Variants in TSPAN18 observed in about 807,000 individuals in gnomAD.
TSPAN18 encodes the protein tetraspanin-18.
A neutral mutation model predicts 27.3 loss-of-function variants in TSPAN18; 14 were observed. The observed-to-expected ratio is 0.51, with a 90% CI of 0.34 to 0.80. TSPAN18 has a LOEUF of 0.80. Among genes scored for constraint, TSPAN18 ranks in the 30% least tolerant of loss-of-function variants. TSPAN18 has a pLI of 0.01. For missense variants in TSPAN18, 268 were observed against 323.9 expected, an observed-to-expected ratio of 0.83 and a Z score of 1.32; for synonymous variants, 143 against 136.5, an observed-to-expected ratio of 1.05 and a Z score of -0.33.
chr11:44,875,342 A>C (rs1307490442), intron 3 of TSPAN18, among the ~76,000 whole-genome samples: 1 of 152,224 alleles, frequency 6.6e-6, no homozygotes, highest in East Asian at 1.9e-4. Flanking sequence ...GGTTTGGATT[A>C]AGCTAGAGCA....
At position 44,908,831 on chromosome 11, in the gene TSPAN18, A is replaced by AAAGAAAGAAAGAAAG. The variant is rs1590671474; in HGVS notation, c.64-873_64-872insAGAAAGAAAGAAAGA. 1.5e-3 allele frequency among the ~76,000 whole-genome samples: 149 copies of AAAGAAAGAAAGAAAG among 96,226 alleles called. 28 individuals are homozygous for AAAGAAAGAAAGAAAG. The highest frequency in any genetic ancestry group is 4.1e-3 in the African/African-American group (98 of 23,798). The allele number at this position is 96,226 out of a possible 152,430, so 63.1% of individuals were successfully genotyped here. A position where few individuals can be genotyped will look rare whatever the true frequency, so the allele number is the denominator to read the frequency against. ...AGAAAGAAAGAAAGAAAGAAAGAAA[A>AAAGAAAGAAAGAAAG]AGAAAAATGGAGCAGATATTTATTG... On this transcript the variant is annotated intron_variant, in intron 4 of 9. Transcript: ENST00000520358.
intron 2 of TSPAN18, among the ~76,000 whole-genome samples, chr11:44,859,394 G>A (rs1228139732): frequency 3.3e-5 from 5 of 152,134 alleles, no homozygotes; most frequent in East Asian, 1.9e-4. Context: ...ACAGACTTAC[G>A]AAAGTCATTT....
chr11:44,861,232 GCTT>G (rs1219873038), intron 3 of TSPAN18, among the ~76,000 whole-genome samples: 1 of 152,044 alleles, frequency 6.6e-6, no homozygotes, highest in Middle Eastern at 3.2e-3. Flanking sequence ...TGGAAGGAGA[GCTT>G]CTTTTTCCCA....
At chr11:44,845,162 G>A (rs534897826) in intron 2 of TSPAN18, among the ~76,000 whole-genome samples, 1 of 152,298 alleles carries the variant, frequency 6.6e-6, no homozygotes, top group African/African-American at 2.4e-5. Flanking sequence ...CCCAGAGCAG[G>A]GGGACACAGT....
At chr11:44,815,142 A>G (rs1856794639) in intron 2 of TSPAN18, among the ~76,000 whole-genome samples, 1 of 152,202 alleles carries the variant, frequency 6.6e-6, no homozygotes, top group Non-Finnish European at 1.5e-5. Context: ...CTCAGCAGGC[A>G]GGCAGCTAGG....
At chr11:44,867,389 C>CTTTTTTTT (rs71038824) in intron 3 of TSPAN18, among the ~76,000 whole-genome samples, 4 of 60,410 alleles carry the variant, frequency 6.6e-5, no homozygotes, top group Non-Finnish European at 8.3e-5. Context: ...GTTTATGAAT[C>CTTTTTTTT]TTTTTTTTTT....
intron 3 of TSPAN18, among the ~76,000 whole-genome samples, chr11:44,874,989 A>G (rs1262592894): frequency 2.6e-5 from 4 of 152,212 alleles, no homozygotes; most frequent in Admixed American, 2.6e-4. Context: ...TCAGCATTAA[A>G]TTGGGGGCAG....
At chr11:44,856,358 G>A (rs1274117298) in intron 2 of TSPAN18, among the ~76,000 whole-genome samples, 1 of 152,086 alleles carries the variant, frequency 6.6e-6, no homozygotes, top group Admixed American at 6.6e-5. Flanking sequence ...GGCGGGCTTG[G>A]CTCATGGTCT....
chr11:44,770,211 A>C (rs1368157750), intron 2 of TSPAN18, among the ~76,000 whole-genome samples: 5 of 152,242 alleles, frequency 3.3e-5, no homozygotes, highest in African/African-American at 1.2e-4. Flanking sequence ...AAACAAATAC[A>C]TTGAATATCA....
intron 3 of TSPAN18, among the ~76,000 whole-genome samples, chr11:44,871,627 C>T (rs1330219611): frequency 6.6e-6 from 1 of 152,208 alleles, no homozygotes; most frequent in Non-Finnish European, 1.5e-5. Context: ...ACCAGCAGAA[C>T]ATAGTCAGTC....
chr11:44,903,245 C>T (rs753352459), intron 3 of TSPAN18: 6 of 364,726 alleles, frequency 1.6e-5, no homozygotes, highest in East Asian at 7.3e-5. Context: ...ATGCCTGTGA[C>T]GAGTCTTAAA....
chr11:44,814,543 C>T (rs758375145), intron 2 of TSPAN18, among the ~76,000 whole-genome samples: 1 of 152,208 alleles, frequency 6.6e-6, no homozygotes, highest in Non-Finnish European at 1.5e-5. Flanking sequence ...ATACAGTGCA[C>T]TCAGCAACAC....
chr11:44,753,346 G>C (rs1855256658), intron 1 of TSPAN18, among the ~76,000 whole-genome samples: 1 of 152,104 alleles, frequency 6.6e-6, no homozygotes, highest in South Asian at 2.1e-4. Context: ...TGGCCAGGAT[G>C]GTCTTGATCT....
At chr11:44,925,477 G>A (rs1033748005) in intron 8 of TSPAN18, among the ~76,000 whole-genome samples, 1 of 152,206 alleles carries the variant, frequency 6.6e-6, no homozygotes, top group Non-Finnish European at 1.5e-5. Flanking sequence ...CCTCCAGGCA[G>A]GTACTAGGAC....
rs533404905 is a variant in TSPAN18 at position 44,872,782 on chromosome 11, C to G, written c.-11+12313C>G. ...AACTTGCCCAAGGTCACACAGCCAT[C>G]AAGTGCCTAGTAAGTTAATAGCACA... is the stretch of plus-strand genomic sequence containing the variant. On this transcript the variant is annotated intron_variant, in intron 3 of 9. Transcript: ENST00000520358. Among the ~76,000 whole-genome samples, 22 of 152,346 alleles carry G rather than the reference C, an allele frequency of 1.4e-4. No homozygotes were observed. The South Asian group carries it at 4.4e-3, about 30-fold the overall frequency.
rs375836702 is a variant in TSPAN18 at position 44,783,634 on chromosome 11, C to A, written c.-153+19122C>A. 3.9e-5 allele frequency among the ~76,000 whole-genome samples: 6 copies of A among 152,220 alleles called. No individual in the cohort carries two copies. In the South Asian group the frequency reaches 1.2e-3, roughly 32 times the overall value. Reference sequence around the variant, plus strand: ...GGCTGGTCTCAATCTCCTGACCTCGCAGTCCGCCTGCCTCAGCCTCCCAGA... The same window carrying A: ...GGCTGGTCTCAATCTCCTGACCTCGAAGTCCGCCTGCCTCAGCCTCCCAGA... On this transcript the variant is annotated intron_variant, in intron 2 of 9. Transcript: ENST00000520358.
intron 2 of TSPAN18, among the ~76,000 whole-genome samples, chr11:44,858,732 G>A (rs998943634): frequency 1.4e-4 from 22 of 152,192 alleles, no homozygotes; most frequent in African/African-American, 5.3e-4. Flanking sequence ...TGATGGTGGG[G>A]TACAGAGAGG....
rs1251803223 is a variant in TSPAN18 at position 44,731,627 on chromosome 11, T to TGAGAGA, written c.-240+4341_-240+4342insAGAGAG. Among the ~76,000 whole-genome samples, 15 of 84,686 alleles carry TGAGAGA rather than the reference T, an allele frequency of 1.8e-4. No homozygotes were observed. In the East Asian group the frequency reaches 2.1e-3, roughly 12 times the overall value. 55.6% of individuals were successfully genotyped at this position (84,686 alleles called of 152,430 possible). A position where few individuals can be genotyped will look rare whatever the true frequency, so the allele number is the denominator to read the frequency against. On this transcript the variant is annotated intron_variant, in intron 1 of 9. Coordinates refer to ENST00000520358, the MANE Select transcript of TSPAN18 (RefSeq NM_130783.5). ...GTGTGTGTGTGTGTGTGTGTGTGTG[T>TGAGAGA]GTGTGTGAGAGAGAGAGAGAGAGAG...
chr11:44,759,575 A>G (rs189335852), intron 1 of TSPAN18, among the ~76,000 whole-genome samples: 27 of 152,060 alleles, frequency 1.8e-4, no homozygotes, highest in South Asian at 2.1e-4. Context: ...CTGTCCTTCT[A>G]TTCATCCCTG....
Sources: allele counts gnomAD v4.1 joint callset (sites outside exome capture counted in the v4.1 genomes callset), GRCh38; gene constraint gnomAD v4.1.1; transcripts MANE v1.5; gene names NCBI Gene and HGNC (gene_info 2026-07-23, HGNC 2026-07-21).